Variants in GPC6 observed in about 807,000 individuals in gnomAD.
The protein encoded by GPC6 is glypican 6.
Under a neutral mutation model 55.2 loss-of-function variants are expected in GPC6, and 14 were observed. That is an observed-to-expected ratio of 0.25 (90% CI 0.17 to 0.40). The LOEUF (loss-of-function observed/expected upper bound fraction) is 0.40. Ranked by LOEUF, GPC6 falls within the 10% of genes least tolerant of loss-of-function variation. The probability of loss-of-function intolerance (pLI) is 1.00; values close to 1 mark genes in which losing one functional copy is unlikely to be tolerated. For synonymous variants in GPC6, 278 were observed against 259.6 expected, an observed-to-expected ratio of 1.07 and a Z score of -0.68; for missense variants, 641 against 708.5, an observed-to-expected ratio of 0.90 and a Z score of 1.08.
chr13:93,556,408 G>GTGTATA (rs1875475679), intron 2 of GPC6, among the ~76,000 whole-genome samples: 3 of 130,960 alleles, frequency 2.3e-5, no homozygotes, highest in Admixed American at 8.1e-5. Flanking sequence ...GTATGTATAT[G>GTGTATA]TATATATATA....
chr13:94,252,648 T>C (rs1262255289), intron 4 of GPC6, among the ~76,000 whole-genome samples: 1 of 152,146 alleles, frequency 6.6e-6, no homozygotes, highest in African/African-American at 2.4e-5. Flanking sequence ...GTGTGTGTTA[T>C]CTTTAGTATT....
intron 8 of GPC6, among the ~76,000 whole-genome samples, chr13:94,401,447 A>G (rs959282656): frequency 6.6e-6 from 1 of 152,196 alleles, no homozygotes; most frequent in Non-Finnish European, 1.5e-5. Context: ...AGCCTTGAGA[A>G]GTGGAAATAG....
At chr13:93,263,038 A>G (rs76611924) in intron 1 of GPC6, among the ~76,000 whole-genome samples, 5,014 of 152,270 alleles carry the variant, frequency 0.033, 257 homozygotes, top group African/African-American at 0.11. Flanking sequence ...TGAAAATTCC[A>G]GAAAAAGGGT....
At chr13:94,262,626 T>A (rs1409931310) in intron 4 of GPC6, among the ~76,000 whole-genome samples, 4 of 146,278 alleles carry the variant, frequency 2.7e-5, no homozygotes, top group Admixed American at 1.4e-4. Flanking sequence ...TGAGACGAGA[T>A]CGTGCCACTG....
intron 3 of GPC6, among the ~76,000 whole-genome samples, chr13:93,895,685 C>G (rs1566591239): frequency 6.6e-6 from 1 of 151,974 alleles, no homozygotes; most frequent in Non-Finnish European, 1.5e-5. Context: ...TGAATCAGAA[C>G]ATGACATGCC....
intron 1 of GPC6, among the ~76,000 whole-genome samples, chr13:93,253,205 T>C (rs1284094202): frequency 2.0e-5 from 3 of 152,264 alleles, no homozygotes; most frequent in Admixed American, 2.0e-4. Context: ...TCCTGGGAGA[T>C]AAAGAAGTTG....
At chr13:93,687,747 C>A (rs972563289) in intron 2 of GPC6, among the ~76,000 whole-genome samples, 1 of 151,938 alleles carries the variant, frequency 6.6e-6, no homozygotes, top group East Asian at 1.9e-4. Context: ...TTTTACCAAA[C>A]CTATCAAGAA....
chr13:94,288,359 T>C (rs1229667815), intron 5 of GPC6, among the ~76,000 whole-genome samples: 2 of 152,002 alleles, frequency 1.3e-5, no homozygotes, highest in African/African-American at 4.8e-5. Flanking sequence ...CCCCTCCAAT[T>C]TATTCTTCAT....
chr13:94,334,398 C>G (rs568714464), intron 6 of GPC6, among the ~76,000 whole-genome samples: 1 of 152,342 alleles, frequency 6.6e-6, no homozygotes, highest in South Asian at 2.1e-4. Context: ...CCCCCTGATT[C>G]TTCTCTACAA....
chr13:93,901,837 G>T (rs143808704), intron 3 of GPC6, among the ~76,000 whole-genome samples: 1 of 150,506 alleles, frequency 6.6e-6, no homozygotes, highest in Non-Finnish European at 1.5e-5. Context: ...GGAAGTGGAG[G>T]TTGCAGTGAG....
intron 1 of GPC6, among the ~76,000 whole-genome samples, chr13:93,440,842 C>T (rs1877766541): frequency 6.6e-6 from 1 of 151,960 alleles, no homozygotes; most frequent in South Asian, 2.1e-4. Flanking sequence ...TATCCCTCCC[C>T]CCTGCCCCCA....
intron 4 of GPC6, among the ~76,000 whole-genome samples, chr13:94,208,137 G>A (rs1889960466): frequency 6.6e-6 from 1 of 152,154 alleles, no homozygotes; most frequent in Non-Finnish European, 1.5e-5. Context: ...ATTTATTGAG[G>A]AACTGCTTGG....
At chr13:93,822,770 T>C (rs984906498) in intron 2 of GPC6, among the ~76,000 whole-genome samples, 1 of 151,850 alleles carries the variant, frequency 6.6e-6, no homozygotes, top group Non-Finnish European at 1.5e-5. Flanking sequence ...GCAAAGAACA[T>C]GAACTCATCC....
At chr13:93,826,095 G>C (rs1314714322) in intron 2 of GPC6, among the ~76,000 whole-genome samples, 2 of 151,738 alleles carry the variant, frequency 1.3e-5, no homozygotes, top group Non-Finnish European at 2.9e-5. Context: ...CCTGACCTCA[G>C]GTGATCTGCC....
At chr13:93,295,813 A>G (rs377024257) in intron 1 of GPC6, among the ~76,000 whole-genome samples, 1 of 152,058 alleles carries the variant, frequency 6.6e-6, no homozygotes, top group Non-Finnish European at 1.5e-5. Context: ...GGTTCAAGCC[A>G]TTCTCATGTC....
Position 93,687,895 on chromosome 13 carries a change from C to CTT in GPC6, c.320-142250_320-142249dup, listed in dbSNP as rs11424192. Among the ~76,000 whole-genome samples, 205 of 146,668 alleles carry CTT rather than the reference C, an allele frequency of 1.4e-3. 1 individual carries two copies. Among genetic ancestry groups the CTT allele is most frequent in the African/African-American group, 4.7e-3 (188 of 40,340 alleles). On this transcript the variant is annotated intron_variant, in intron 2 of 8. Coordinates refer to ENST00000377047, the MANE Select transcript of GPC6 (RefSeq NM_005708.5). ...AGCCTTAGGATTTTTGTGTGTTTGG[C>CTT]TTTTTTTTTTATGAGAAAAAGTTTA...
At chr13:94,220,256 C>T (rs1447712019) in intron 4 of GPC6, among the ~76,000 whole-genome samples, 2 of 152,106 alleles carry the variant, frequency 1.3e-5, no homozygotes, top group Non-Finnish European at 2.9e-5. Flanking sequence ...CTTGTTCTCA[C>T]ATACGTTCCA....
At chr13:93,672,537 A>G (rs1594359982) in intron 2 of GPC6, among the ~76,000 whole-genome samples, 2 of 151,990 alleles carry the variant, frequency 1.3e-5, no homozygotes, top group Admixed American at 6.6e-5. Flanking sequence ...TTAAAAATGT[A>G]TAAGGCTTTC....
intron 5 of GPC6, among the ~76,000 whole-genome samples, chr13:94,298,370 CCCTAGCTCTGTGCTTAA>C (rs1325549895): frequency 6.6e-5 from 10 of 152,216 alleles, no homozygotes; most frequent in Non-Finnish European, 1.2e-4. Flanking sequence ...TTGAGAAAGG[CCCTAGCTCTGTGCTTAA>C]CCTAGACCAT....
Sources: gnomAD v4.1 joint callset for allele counts (sites outside exome capture counted in the v4.1 genomes callset) on GRCh38, gnomAD v4.1.1 for gene constraint, MANE v1.5 for transcripts, NCBI Gene and HGNC (gene_info 2026-07-23, HGNC 2026-07-21) for gene names.